The following ANKRD36B variants were observed in gnomAD, a reference collection of about 807,000 sequenced individuals.
ANKRD36B encodes the protein ankyrin repeat domain 36B, also known as ankyrin repeat domain-containing protein 36B.
ANKRD36B carries 37 observed loss-of-function variants against 135.7 expected under a neutral mutation model. That is an observed-to-expected ratio of 0.27 (90% CI 0.21 to 0.36). The LOEUF (loss-of-function observed/expected upper bound fraction) is 0.36, where lower values mean the gene tolerates loss of function less well. Among genes scored for constraint, ANKRD36B ranks in the 10% least tolerant of loss-of-function variants. The pLI is 1.00. For missense variants in ANKRD36B, 549 were observed against 1,037.1 expected, an observed-to-expected ratio of 0.53 and a Z score of 6.46; for synonymous variants, 179 against 348.1, an observed-to-expected ratio of 0.51 and a Z score of 5.41.
rs552704599 is a variant in ANKRD36B at position 97,539,676 on chromosome 2, C to T, written c.1987+358G>A. 1.8e-4 allele frequency: 23 copies of T among 127,272 alleles called. 9 individuals are homozygous for T. The highest frequency in any genetic ancestry group is 5.2e-4 in the Admixed American group (7 of 13,390). The allele number at this position is 127,272 out of a possible 1,614,324, so 7.9% of individuals were successfully genotyped here. ...TCACTTTTCCATCTGTTTTTAGGAA[C>T]GCGATGTGATATCTGTAAAATCTAT... On this transcript the variant is annotated intron_variant, in intron 30 of 43. Transcript: ENST00000359901.
rs1442376814 is a variant in ANKRD36B, at chr2:97,545,067, T to C, written c.1681+599A>G. 7.3e-5 allele frequency among the ~76,000 whole-genome samples: 7 copies of C among 95,868 alleles called. 3 individuals carry two copies. The highest frequency in any genetic ancestry group is 2.3e-4 in the South Asian group (1 of 4,292). 62.9% of individuals were successfully genotyped at this position (95,868 alleles called of 152,430 possible). A position where few individuals can be genotyped will look rare whatever the true frequency, so the allele number is the denominator to read the frequency against. On this transcript the variant is annotated intron_variant, in intron 24 of 43. Transcript: ENST00000359901. Reference sequence around the variant, plus strand: ...TAGCATAGTTTCCTGCTTCCAGTAGTGCCTGGAGCTGCCAAAATCAAGTCT... The same window carrying C: ...TAGCATAGTTTCCTGCTTCCAGTAGCGCCTGGAGCTGCCAAAATCAAGTCT...
rs1383922264 is a variant in ANKRD36B at position 97,544,895 on chromosome 2, A to T, written c.1681+771T>A. On this transcript the variant is annotated intron_variant, in intron 24 of 43. Transcript: ENST00000359901. Reference sequence around the variant, plus strand: ...TCATTCAATAGCTATTTTATCCAAGACTTAGCTCCTTGAACTTTGAAGCCA... The same window carrying T: ...TCATTCAATAGCTATTTTATCCAAGTCTTAGCTCCTTGAACTTTGAAGCCA... 5.2e-5 allele frequency among the ~76,000 whole-genome samples: 5 copies of T among 95,864 alleles called. 1 individual carries two copies. The highest frequency in any genetic ancestry group is 1.6e-4 in the African/African-American group (5 of 32,242). The allele number at this position is 95,864 out of a possible 152,430, so 62.9% of individuals were successfully genotyped here.
chr2:97,584,609 G>A (rs1165305186), intron 3 of ANKRD36B, among the ~76,000 whole-genome samples: 2 of 145,874 alleles, frequency 1.4e-5, no homozygotes, highest in African/African-American at 2.6e-5. Context: ...TTACTTTCCT[G>A]TGTCACTTCA....
chr2:97,524,039 G>A (rs1393298090), intron 35 of ANKRD36B: 1 of 78,762 alleles, frequency 1.3e-5, no homozygotes, highest in East Asian at 2.6e-4. Flanking sequence ...ACCATGTGGT[G>A]GAGAATAATG....
chr2:97,496,309 G>A (rs2077304305), intron 43 of ANKRD36B, among the ~76,000 whole-genome samples: 1 of 101,276 alleles, frequency 9.9e-6, no homozygotes, highest in African/African-American at 2.7e-5. Context: ...GCTAGCAGAG[G>A]TTGGTTCATG....
chr2:97,553,390 A>G lies in ANKRD36B; in HGVS notation c.1172-19T>C, dbSNP rs1234943174. On this transcript the variant is annotated intron_variant, in intron 14 of 43. Coordinates refer to ENST00000359901, the MANE Select transcript of ANKRD36B (RefSeq NM_001393939.1). ...GAAGACACTGAAAAGCAAAAGGGAT[A>G]CATAATCACTCATATGTAAATATGA... 6 of 1,606,588 alleles carry G rather than the reference A, an allele frequency of 3.7e-6. No individual in the cohort carries two copies. The highest frequency in any genetic ancestry group is 1.1e-5 in the South Asian group (1 of 90,760).
At chr2:97,581,317 G>A (rs532400468) in intron 3 of ANKRD36B, among the ~76,000 whole-genome samples, 2 of 152,054 alleles carry the variant, frequency 1.3e-5, no homozygotes, top group African/African-American at 4.8e-5. Context: ...AGAATCTCAG[G>A]TGACAATGTC....
chr2:97,546,424 C>T (rs577448715), intron 22 of ANKRD36B, among the ~76,000 whole-genome samples: 2 of 151,808 alleles, frequency 1.3e-5, no homozygotes, highest in South Asian at 4.1e-4. Context: ...TAGTAGATAA[C>T]ATTCATTATC....
At chr2:97,551,081 T>A (rs1490690577) in intron 18 of ANKRD36B, among the ~76,000 whole-genome samples, 1 of 151,828 alleles carries the variant, frequency 6.6e-6, no homozygotes, top group East Asian at 1.9e-4. Flanking sequence ...TCCTCCCAGT[T>A]GCAATGTGGG....
intron 6 of ANKRD36B, among the ~76,000 whole-genome samples, chr2:97,569,927 AT>A (rs965817440): frequency 1.3e-5 from 2 of 152,124 alleles, no homozygotes; most frequent in Admixed American, 6.6e-5. Context: ...TAAATGATTG[AT>A]TTTTTTAATT....
chr2:97,568,987 T>G (rs2081639767), intron 6 of ANKRD36B, among the ~76,000 whole-genome samples: 1 of 152,196 alleles, frequency 6.6e-6, no homozygotes, highest in Non-Finnish European at 1.5e-5. Flanking sequence ...ATTCACTAGC[T>G]GGTCTATTTC....
rs1299086166 is a variant in ANKRD36B, at chr2:97,540,102, G to A, written c.1919C>T (p.Thr640Ile). ...CGAAACAGAATCTTTCTCATCACCT[G>A]TAGTCTGAATGGAATTTGAAACAAA... is the stretch of plus-strand genomic sequence containing the variant. ...SSQRRPALKT[T>I]GDEKDSVSNI... is the part of the protein sequence containing the mutation. The change falls in exon 30 of 44, where the codon ACA becomes ATA. Residue 640 changes from threonine (T) to isoleucine (I), a missense_variant. Physicochemically the swap from Thr to Ile is moderately conservative, Grantham distance 89. Transcript: ENST00000359901. The A allele has an allele frequency of 1.6e-5, 15 of 942,864 alleles. 5 individuals are homozygous for A. The highest frequency in any genetic ancestry group is 5.3e-5 in the East Asian group (2 of 37,620). 58.4% of individuals were successfully genotyped at this position (942,864 alleles called of 1,614,324 possible).
intron 6 of ANKRD36B, among the ~76,000 whole-genome samples, chr2:97,569,780 CTATAT>C (rs777348550): frequency 1.3e-5 from 2 of 152,042 alleles, no homozygotes; most frequent in Non-Finnish European, 2.9e-5. Context: ...TAATATATTG[CTATAT>C]TATATTACCA....
In ANKRD36B at chr2:97,573,117, T is replaced by C. The variant is rs533616991; in HGVS notation, c.763+3262A>G. On this transcript the variant is annotated intron_variant, in intron 6 of 43. Coordinates refer to ENST00000359901, the MANE Select transcript of ANKRD36B (RefSeq NM_001393939.1). ...GGTGATGTTCCCCTTCCTGTGTCCA[T>C]GTGTTCTCATTGTTCAATTCCCAGC... Among the ~76,000 whole-genome samples, 14 of 151,862 alleles carry C rather than the reference T, an allele frequency of 9.2e-5. No individual in the cohort carries two copies. The South Asian group carries it at 2.3e-3, about 25-fold the overall frequency.
At chr2:97,588,041 ATTTT>A (rs946397291) in intron 1 of ANKRD36B, among the ~76,000 whole-genome samples, 1 of 150,754 alleles carries the variant, frequency 6.6e-6, no homozygotes, top group Non-Finnish European at 1.5e-5. Context: ...TATAAACTGG[ATTTT>A]TTTTATTTTG....
At chr2:97,559,064 G>C in intron 8 of ANKRD36B, 70 bp from the exon 9 acceptor site, 1 of 1,594,948 alleles carries the variant, frequency 6.3e-7, no homozygotes. Context: ...ATTCCATGCA[G>C]TGTTAGCATC....
At chr2:97,530,989 T>A (rs1576844863) in intron 35 of ANKRD36B, among the ~76,000 whole-genome samples, 1 of 96,020 alleles carries the variant, frequency 1.0e-5, no homozygotes, top group South Asian at 2.4e-4. Context: ...ATTGTGGAAG[T>A]CAGTGTGGTG....
rs939783587 is a variant in ANKRD36B, at chr2:97,572,280, T to C, written c.763+4099A>G. Among the ~76,000 whole-genome samples the C allele has an allele frequency of 5.8e-3, 478 of 82,256 alleles. 4 individuals are homozygous for C. The highest frequency in any genetic ancestry group is 0.016 in the African/African-American group (434 of 27,274). The allele number at this position is 82,256 out of a possible 152,430, so 54.0% of individuals were successfully genotyped here. ...CTGGGAAACAGCAAAAGACTCAATC[T>C]CAAAAAAAAAAAAAAATCAAGAAAC... On this transcript the variant is annotated intron_variant, in intron 6 of 43. Coordinates refer to ENST00000359901, the MANE Select transcript of ANKRD36B (RefSeq NM_001393939.1).
In ANKRD36B at chr2:97,545,571, T is replaced by C. The variant is rs1313153411; in HGVS notation, c.1681+95A>G. On this transcript the variant is annotated intron_variant, in intron 24 of 43. Coordinates refer to ENST00000359901, the MANE Select transcript of ANKRD36B (RefSeq NM_001393939.1). ...ATCTCAGGAATACTAAATCAGAACA[T>C]GAAGATTTGACGAACCCCCCGCTGC... 1.6e-5 allele frequency: 11 copies of C among 675,036 alleles called. 2 individuals carry two copies. The Admixed American group carries it at 2.7e-4, about 17-fold the overall frequency. 41.8% of individuals were successfully genotyped at this position (675,036 alleles called of 1,614,324 possible).
Sources: gnomAD v4.1 joint callset for allele counts (sites outside exome capture counted in the v4.1 genomes callset) on GRCh38, gnomAD v4.1.1 for gene constraint, MANE v1.5 for transcripts, NCBI Gene and HGNC (gene_info 2026-07-23, HGNC 2026-07-21) for gene names.